KIF20B: variants seen among roughly 807,000 people sequenced by gnomAD.
The protein encoded by KIF20B is kinesin-like protein KIF20B.
KIF20B carries 188 observed loss-of-function variants against 232.5 expected under a neutral mutation model. That is an observed-to-expected ratio of 0.81 (90% CI 0.72 to 0.91). The LOEUF (loss-of-function observed/expected upper bound fraction) is 0.91, where lower values mean the gene tolerates loss of function less well. KIF20B is among the 40% of genes least tolerant of loss of function. The probability of loss-of-function intolerance (pLI) is 0.00; values close to 1 mark genes in which losing one functional copy is unlikely to be tolerated. For missense variants in KIF20B, 2,154 were observed against 2,055.9 expected (o/e 1.05, Z -0.92); for synonymous variants, 712 against 683.0 (o/e 1.04, Z -0.66).
chr10:89,759,063 C>T (rs1245611519), intron 27 of KIF20B, among the ~76,000 whole-genome samples, 181 bp downstream of exon 27: 3 of 151,944 alleles, frequency 2.0e-5, no homozygotes, highest in Non-Finnish European at 4.4e-5. Context: ...ATTTGTCAAT[C>T]AATGACTGAG....
intron 2 of KIF20B, among the ~76,000 whole-genome samples, chr10:89,708,880 C>T (rs1842780606): frequency 6.6e-6 from 1 of 152,068 alleles, no homozygotes; most frequent in Non-Finnish European, 1.5e-5. Context: ...TTTCCAATGA[C>T]TTAGGGCCTC....
chr10:89,713,553 A>G (rs753094317), intron 6 of KIF20B, among the ~76,000 whole-genome samples: 14 of 152,146 alleles, frequency 9.2e-5, no homozygotes, highest in Admixed American at 3.3e-4. Flanking sequence ...TCATCCACCA[A>G]TTCACTTTTA....
At chr10:89,765,740 T>G (rs976564502) in intron 29 of KIF20B, among the ~76,000 whole-genome samples, 1 of 152,140 alleles carries the variant, frequency 6.6e-6, no homozygotes, top group African/African-American at 2.4e-5. Context: ...GTTAAGTATT[T>G]TATTTCTCCT....
Position 89,738,366 on chromosome 10 carries a change from T to A in KIF20B, c.3525T>A (p.Val1175=). The part of the protein sequence containing the change: ...ELETILETQK[V]ECSHSAKLEQ... ...AAACAATTTTAGAGACTCAGAAAGT[T>A]GAATGTAGTCATTCAGCCAAGTTAG... is the stretch of plus-strand genomic sequence containing the variant. Residue 1175 remains valine, a synonymous_variant, in exon 20 of 33, where the codon GTT becomes GTA. Coordinates refer to ENST00000371728, the MANE Select transcript of KIF20B (RefSeq NM_001284259.2). 1 of 1,609,316 alleles carries A rather than the reference T, an allele frequency of 6.2e-7. No individual in the cohort carries two copies. The highest frequency in any genetic ancestry group is 1.1e-5 in the South Asian group (1 of 89,560).
chr10:89,728,947 G>A (rs1285809502), intron 17 of KIF20B, among the ~76,000 whole-genome samples, 181 bp from the exon 18 acceptor site: 3 of 73,536 alleles, frequency 4.1e-5, no homozygotes, highest in Admixed American at 1.2e-4. Context: ...GTGTGTGTGT[G>A]TATGTAATTT....
At chr10:89,773,433 C>G (rs1842507575) in intron 32 of KIF20B, among the ~76,000 whole-genome samples, 1 of 151,598 alleles carries the variant, frequency 6.6e-6, no homozygotes, top group Non-Finnish European at 1.5e-5. Context: ...CAGGAGAAAC[C>G]TTTTTTGCCA....
At position 89,729,266 on chromosome 10, in the gene KIF20B, G is replaced by A. The variant is rs1322679667; in HGVS notation, c.2391+19G>A. The A allele has an allele frequency of 6.2e-6, 9 of 1,449,926 alleles. No homozygotes were observed. The highest frequency in any genetic ancestry group is 8.3e-6 in the Non-Finnish European group (9 of 1,085,244). The allele number at this position is 1,449,926 out of a possible 1,614,324, so 89.8% of individuals were successfully genotyped here. A position where few individuals can be genotyped will look rare whatever the true frequency, so the allele number is the denominator to read the frequency against. ...ATGCAATGTAAGAATTTAACCTTGTGTTATATTAATAAATTAGATAAGCAT... is the reference window on the plus strand; with the variant it reads ...ATGCAATGTAAGAATTTAACCTTGTATTATATTAATAAATTAGATAAGCAT... On this transcript the variant is annotated intron_variant, in intron 18 of 32. Coordinates refer to ENST00000371728, the MANE Select transcript of KIF20B (RefSeq NM_001284259.2).
chr10:89,708,431 G>A (rs1407846279), intron 2 of KIF20B, among the ~76,000 whole-genome samples: 3 of 152,038 alleles, frequency 2.0e-5, no homozygotes, highest in African/African-American at 7.2e-5. Context: ...GGCTGGTCTC[G>A]AACTCCCGAC....
At position 89,711,137 on chromosome 10, in the gene KIF20B, A is replaced by G. The variant is rs1009129144; in HGVS notation, c.667A>G (p.Ile223Val). The change falls in exon 6 of 33, where the codon ATT becomes GTT. Residue 223 changes from isoleucine to valine, a missense_variant. Ile to Val is a conservative substitution (Grantham distance 29). Transcript: ENST00000371728. The part of the protein sequence containing the change: ...IASKSALLRQ[I>V]KEVTVHNDSD... The stretch of plus-strand genomic sequence containing the variant: ...TAGCAAAAGTGCATTGCTTCGGCAA[A>G]TTAAAGAGGTATGGAAATATTTTAG... 1.3e-6 allele frequency: 2 copies of G among 1,538,278 alleles called. No homozygotes were observed. The highest frequency in any genetic ancestry group is 8.8e-7 in the Non-Finnish European group (1 of 1,138,424).
intron 19 of KIF20B, among the ~76,000 whole-genome samples, chr10:89,735,849 G>C (rs1157431787): frequency 6.6e-6 from 1 of 151,946 alleles, no homozygotes; most frequent in African/African-American, 2.4e-5. Context: ...GAAAGTAGTA[G>C]GTTTCTTAAC....
chr10:89,713,885 G>A (rs1030005550), intron 6 of KIF20B, among the ~76,000 whole-genome samples, 162 bp from the exon 7 acceptor site: 1 of 151,130 alleles, frequency 6.6e-6, no homozygotes, highest in Non-Finnish European at 1.5e-5. Context: ...ATTTTTCCAT[G>A]AAACTATATT....
At chr10:89,758,293 A>G (rs1266702157) in intron 26 of KIF20B, among the ~76,000 whole-genome samples, 2 of 151,828 alleles carry the variant, frequency 1.3e-5, no homozygotes, top group Non-Finnish European at 2.9e-5. Context: ...GGTTTTATAC[A>G]TTTTCTTTAT....
chr10:89,715,947 C>T (rs777086230), intron 8 of KIF20B, among the ~76,000 whole-genome samples: 6 of 151,992 alleles, frequency 3.9e-5, no homozygotes, highest in Admixed American at 1.3e-4. Context: ...GCCATGATCA[C>T]GCCTTTGCAC....
intron 21 of KIF20B, among the ~76,000 whole-genome samples, chr10:89,742,847 G>A (rs1157209838): frequency 6.6e-6 from 1 of 151,658 alleles, no homozygotes; most frequent in South Asian, 2.1e-4. Context: ...CTACAGGCAC[G>A]TGCCACCATG....
chr10:89,722,584 G>C (rs924858585), intron 13 of KIF20B, among the ~76,000 whole-genome samples: 12 of 152,158 alleles, frequency 7.9e-5, no homozygotes, highest in Non-Finnish European at 1.5e-4. Context: ...CAGGAGAATG[G>C]CGTGAACCTG....
chr10:89,740,601 CTCAAAGCTATTTCATTAGCATA>C (rs1222621780), intron 21 of KIF20B, among the ~76,000 whole-genome samples: 1 of 152,180 alleles, frequency 6.6e-6, no homozygotes, highest in African/African-American at 2.4e-5. Context: ...GGAGCCTCCA[CTCAAAGCTATTTCATTAGCATA>C]AATTCAGGTG....
intron 1 of KIF20B, among the ~76,000 whole-genome samples, chr10:89,702,756 T>C (rs1488945742): frequency 1.9e-5 from 1 of 53,862 alleles, no homozygotes; most frequent in Non-Finnish European, 3.0e-5. Context: ...TAGGACCGAC[T>C]TTTTTTTTTT....
At chr10:89,766,895 A>G (rs1421678940) in intron 29 of KIF20B, among the ~76,000 whole-genome samples, 6 of 151,848 alleles carry the variant, frequency 4.0e-5, no homozygotes, top group Admixed American at 2.6e-4. Context: ...ACTGAGTTTC[A>G]TCATCTAGTT....
At position 89,708,394 on chromosome 10, in the gene KIF20B, T is replaced by C. The variant is rs529423343; in HGVS notation, c.148-773T>C. ...GCCTGGCTAATTTTGTATTTTTAGTTGAGATGGGGTTTCTCCATGTTGGTC... is the reference window on the plus strand; with the variant it reads ...GCCTGGCTAATTTTGTATTTTTAGTCGAGATGGGGTTTCTCCATGTTGGTC... On this transcript the variant is annotated intron_variant, in intron 2 of 32. Transcript: ENST00000371728. 1.6e-3 allele frequency among the ~76,000 whole-genome samples: 246 copies of C among 152,076 alleles called. 1 individual carries two copies. The highest frequency in any genetic ancestry group is 5.6e-3 in the African/African-American group (232 of 41,500).
Sources: allele counts gnomAD v4.1 joint callset (sites outside exome capture counted in the v4.1 genomes callset), GRCh38; gene constraint gnomAD v4.1.1; transcripts MANE v1.5; gene names NCBI Gene and HGNC (gene_info 2026-07-23, HGNC 2026-07-21).